The following ELP4 variants were observed in gnomAD, a reference collection of about 807,000 sequenced individuals.
The protein encoded by ELP4 is elongator complex protein 4.
ELP4 carries 51 observed loss-of-function variants against 48.9 expected under a neutral mutation model. That is an observed-to-expected ratio of 1.04 (90% CI 0.83 to 1.32). The LOEUF (loss-of-function observed/expected upper bound fraction) is 1.32, where lower values mean the gene tolerates loss of function less well. Ranked by LOEUF, ELP4 falls within the 40% of genes most tolerant of loss-of-function variation. The probability of loss-of-function intolerance (pLI) is 0.00; values close to 1 mark genes in which losing one functional copy is unlikely to be tolerated. For synonymous variants in ELP4, 210 were observed against 189.2 expected, an observed-to-expected ratio of 1.11 and a Z score of -0.90; for missense variants, 519 against 514.6, an observed-to-expected ratio of 1.01 and a Z score of -0.08.
chr11:31,549,298 CAAAT>C (rs1325868760), intron 3 of ELP4, among the ~76,000 whole-genome samples: 10 of 151,854 alleles, frequency 6.6e-5, no homozygotes, highest in East Asian at 1.9e-4. Context: ...AAGAAAAAAA[CAAAT>C]AACCCCATCA....
chr11:31,588,417 T>C (rs11031420), intron 3 of ELP4, among the ~76,000 whole-genome samples: 41,207 of 151,964 alleles, frequency 0.27, 5,902 homozygotes, highest in African/African-American at 0.35. Flanking sequence ...CCACCAGCAG[T>C]GAATAAGACT....
At chr11:31,608,594 T>TG (rs902471113) in intron 5 of ELP4, among the ~76,000 whole-genome samples, 6 of 69,098 alleles carry the variant, frequency 8.7e-5, no homozygotes, top group African/African-American at 3.3e-4. Context: ...GGGTGCTGGG[T>TG]GGGGGGGTCA....
At chr11:31,546,932 A>G (rs1956733048) in intron 3 of ELP4, among the ~76,000 whole-genome samples, 1 of 152,188 alleles carries the variant, frequency 6.6e-6, no homozygotes, top group African/African-American at 2.4e-5. Context: ...GTTCTTTGAA[A>G]CCAACGAGAA....
intron 9 of ELP4, among the ~76,000 whole-genome samples, chr11:31,773,117 G>A (rs1236105686): frequency 6.6e-6 from 1 of 152,216 alleles, no homozygotes; most frequent in Non-Finnish European, 1.5e-5. Context: ...TAGGATTACT[G>A]TAGAGGCTGA....
chr11:31,720,865 G>C (rs1212748397), intron 9 of ELP4, among the ~76,000 whole-genome samples: 1 of 152,148 alleles, frequency 6.6e-6, no homozygotes, highest in Non-Finnish European at 1.5e-5. Flanking sequence ...GTACCAGATG[G>C]AATGAAATCA....
intron 9 of ELP4, among the ~76,000 whole-genome samples, chr11:31,668,864 G>A (rs1945742963): frequency 6.6e-6 from 1 of 151,958 alleles, no homozygotes. Context: ...ATCAACCATA[G>A]CTGTTTATTA....
At chr11:31,686,955 G>A (rs1297764831) in intron 9 of ELP4, among the ~76,000 whole-genome samples, 1 of 151,984 alleles carries the variant, frequency 6.6e-6, no homozygotes, top group Non-Finnish European at 1.5e-5. Context: ...GCCAAGAGTT[G>A]AGTTAGGAAA....
intron 9 of ELP4, among the ~76,000 whole-genome samples, chr11:31,725,093 C>T (rs1947048598): frequency 6.6e-6 from 1 of 152,174 alleles, no homozygotes; most frequent in Admixed American, 6.5e-5. Context: ...CACAGCTGCC[C>T]TCTCAAGAGT....
intron 3 of ELP4, among the ~76,000 whole-genome samples, chr11:31,568,944 G>T (rs549232141): frequency 6.6e-6 from 1 of 151,960 alleles, no homozygotes; most frequent in African/African-American, 2.4e-5. Flanking sequence ...AATTAGCCAG[G>T]TGTGGTGGCA....
chr11:31,529,558 T>G (rs950552397), intron 2 of ELP4, among the ~76,000 whole-genome samples: 2 of 152,168 alleles, frequency 1.3e-5, no homozygotes, highest in Admixed American at 1.3e-4. Flanking sequence ...GCCAATTCCC[T>G]GCTAACCTCT....
rs191277291 is a variant in ELP4 at position 31,607,846 on chromosome 11, G to A, written c.653+3939G>A. On this transcript the variant is annotated intron_variant, in intron 5 of 9. Coordinates refer to ENST00000640961, the MANE Select transcript of ELP4 (RefSeq NM_019040.5). The stretch of plus-strand genomic sequence containing the variant: ...GAATGAGTTGAATTCTGTGAGAACC[G>A]CTCGGTCTTTTAGTTTTTTGACTGC... Among the ~76,000 whole-genome samples the A allele has an allele frequency of 9.8e-4, 149 of 152,204 alleles. 1 individual carries two copies. Among genetic ancestry groups the A allele is most frequent in the Admixed American group, 2.6e-3 (39 of 15,294 alleles).
At position 31,789,580 on chromosome 11, in the gene ELP4, A is replaced by T; in HGVS notation, c.*6056A>T. On this transcript the variant is annotated 3_prime_UTR_variant, in exon 10 of 10. Transcript: ENST00000640961. ...TTGTTGATCATGGTTTTCTTTTTAA[A>T]AAAAAAAAAAACAACTTCATGACCA... 1.7e-6 allele frequency: 1 copy of T among 601,846 alleles called. No homozygotes were observed. Among genetic ancestry groups the T allele is most frequent in the Non-Finnish European group, 2.9e-6 (1 of 342,028 alleles). 37.3% of individuals were successfully genotyped at this position (601,846 alleles called of 1,614,324 possible).
chr11:31,731,663 A>G (rs549689081), intron 9 of ELP4, among the ~76,000 whole-genome samples: 4 of 151,698 alleles, frequency 2.6e-5, no homozygotes, highest in East Asian at 3.9e-4. Context: ...AGTGGAAACA[A>G]CTCCCCAAAT....
chr11:31,571,476 C>A (rs1592127464), intron 3 of ELP4, among the ~76,000 whole-genome samples: 1 of 152,160 alleles, frequency 6.6e-6, no homozygotes, highest in Non-Finnish European at 1.5e-5. Flanking sequence ...GGATTGGAAT[C>A]AACTTCTCCC....
chr11:31,553,443 CAG>C (rs1465693820), intron 3 of ELP4, among the ~76,000 whole-genome samples: 16 of 152,166 alleles, frequency 1.1e-4, no homozygotes, highest in African/African-American at 3.4e-4. Context: ...CATCCCGAGT[CAG>C]AGAAATTTTC....
At chr11:31,763,397 T>A (rs747484224) in intron 9 of ELP4, 2 of 1,577,236 alleles carry the variant, frequency 1.3e-6, no homozygotes, top group Non-Finnish European at 1.7e-6. Flanking sequence ...TTGTGTCTCT[T>A]TTCTCTGAGG....
intron 9 of ELP4, among the ~76,000 whole-genome samples, chr11:31,757,075 A>G (rs572077339): frequency 2.7e-4 from 41 of 152,312 alleles, no homozygotes; most frequent in Admixed American, 6.5e-4. Context: ...ATCACCAAAA[A>G]CTGTGTTTTA....
At chr11:31,666,121 G>T (rs1945670346) in intron 9 of ELP4, among the ~76,000 whole-genome samples, 1 of 140,726 alleles carries the variant, frequency 7.1e-6, no homozygotes, top group Non-Finnish European at 1.5e-5. Context: ...CAATTCTCGT[G>T]CCTCAGCCTC....
At chr11:31,736,638 TAAAC>T (rs950583492) in intron 9 of ELP4, among the ~76,000 whole-genome samples, 2 of 151,786 alleles carry the variant, frequency 1.3e-5, no homozygotes. Flanking sequence ...AAGAAAAAAA[TAAAC>T]AACCTCATCA....
Sources: gnomAD v4.1 joint callset for allele counts (sites outside exome capture counted in the v4.1 genomes callset) on GRCh38, gnomAD v4.1.1 for gene constraint, MANE v1.5 for transcripts, NCBI Gene and HGNC (gene_info 2026-07-23, HGNC 2026-07-21) for gene names.